Variants in DCC observed in about 807,000 individuals in gnomAD.
DCC encodes the protein DCC netrin 1 receptor, also known as netrin receptor DCC.
In DCC, 58 loss-of-function variants were observed where a neutral mutation model predicts 172.5. That is an observed-to-expected ratio of 0.34 (90% confidence interval 0.27 to 0.42). DCC has a LOEUF of 0.42. Among genes scored for constraint, DCC ranks in the 10% least tolerant of loss-of-function variants. The pLI is 1.00. For missense variants in DCC, 1,740 were observed against 1,791.0 expected (o/e 0.97, Z 0.51); for synonymous variants, 709 against 644.5 (o/e 1.10, Z -1.52).
chr18:52,436,483 A>G (rs1987798415), intron 1 of DCC, among the ~76,000 whole-genome samples: 1 of 152,226 alleles, frequency 6.6e-6, no homozygotes, highest in African/African-American at 2.4e-5. Context: ...AGCTTGTTAC[A>G]TATGCGATCC....
chr18:52,822,375 C>G (rs2038422570), intron 2 of DCC, among the ~76,000 whole-genome samples: 1 of 152,198 alleles, frequency 6.6e-6, no homozygotes, highest in African/African-American at 2.4e-5. Flanking sequence ...CTCCAACCAG[C>G]TATTGACCTA....
chr18:52,814,912 G>T lies in DCC; in HGVS notation c.412+62538G>T, dbSNP rs186560134. 1.1e-4 allele frequency among the ~76,000 whole-genome samples: 16 copies of T among 152,128 alleles called. No homozygotes were observed. In the South Asian group the frequency reaches 2.9e-3, roughly 28 times the overall value. On this transcript the variant is annotated intron_variant, in intron 2 of 28. Coordinates refer to ENST00000442544, the MANE Select transcript of DCC (RefSeq NM_005215.4). ...AGGACCCTGGAATGAGGTGGTGATG[G>T]CTAAAAAAAATGAGGCTATATTTCT...
chr18:52,551,120 A>G (rs1218039974), intron 1 of DCC, among the ~76,000 whole-genome samples: 1 of 151,872 alleles, frequency 6.6e-6, no homozygotes, highest in Admixed American at 6.6e-5. Flanking sequence ...TTTTAAAATT[A>G]TCCAACAAGC....
intron 7 of DCC, among the ~76,000 whole-genome samples, chr18:53,097,247 T>A (rs923681952): frequency 3.3e-5 from 5 of 152,176 alleles, no homozygotes; most frequent in African/African-American, 1.2e-4. Context: ...CATTGAAAGG[T>A]GTAAATTGAG....
chr18:53,396,404 A>G (rs1908948125), intron 17 of DCC, among the ~76,000 whole-genome samples: 1 of 152,172 alleles, frequency 6.6e-6, no homozygotes, highest in African/African-American at 2.4e-5. Context: ...GCAATAAAGA[A>G]CTATAATTTA....
chr18:52,799,911 G>A (rs994000094), intron 2 of DCC, among the ~76,000 whole-genome samples: 1 of 152,122 alleles, frequency 6.6e-6, no homozygotes, highest in Non-Finnish European at 1.5e-5. Flanking sequence ...AGCTCTAATT[G>A]TTCTTCAGTT....
At chr18:52,955,427 C>T (rs1259512352) in intron 5 of DCC, among the ~76,000 whole-genome samples, 1 of 151,740 alleles carries the variant, frequency 6.6e-6, no homozygotes, top group East Asian at 1.9e-4. Context: ...CAAGATTTAC[C>T]AGTTGATTTA....
At position 53,315,758 on chromosome 18, in the gene DCC, T is replaced by G. The variant is rs1162589958; in HGVS notation, c.2054-6289T>G. Among the ~76,000 whole-genome samples, 6 of 152,302 alleles carry G rather than the reference T, an allele frequency of 3.9e-5. No homozygotes were observed. The East Asian group carries it at 1.2e-3, about 29-fold the overall frequency. ...TATATTTTTTGGCCCCAGGAATGTC[T>G]TCTTTTGTAGTAGTATTGTCTGTTC... On this transcript the variant is annotated intron_variant, in intron 13 of 28. Coordinates refer to ENST00000442544, the MANE Select transcript of DCC (RefSeq NM_005215.4).
Position 52,494,264 on chromosome 18 carries a change from A to ATGTGTGTGTGTGTGTG in DCC, c.91+153400_91+153415dup, listed in dbSNP as rs10633986. On this transcript the variant is annotated intron_variant, in intron 1 of 28. Transcript: ENST00000442544. ...TGATTATGATATGGTATGGTTTGTG[A>ATGTGTGTGTGTGTGTG]TGTGTGTGTGTGTGTGTGTGTGTGT... Among the ~76,000 whole-genome samples, 564 of 147,520 alleles carry ATGTGTGTGTGTGTGTG rather than the reference A, an allele frequency of 3.8e-3. 3 individuals are homozygous for ATGTGTGTGTGTGTGTG. Among genetic ancestry groups the ATGTGTGTGTGTGTGTG allele is most frequent in the Middle Eastern group, 0.01 (3 of 290 alleles).
At chr18:53,232,187 C>T (rs192384922) in intron 12 of DCC, among the ~76,000 whole-genome samples, 168 of 152,232 alleles carry the variant, frequency 1.1e-3, no homozygotes, top group African/African-American at 3.4e-3. Context: ...AAGGGCCCCC[C>T]TCCCCCTTCT....
At chr18:52,772,757 A>C (rs1279421384) in intron 2 of DCC, among the ~76,000 whole-genome samples, 2 of 152,122 alleles carry the variant, frequency 1.3e-5, no homozygotes, top group Non-Finnish European at 2.9e-5. Context: ...CTTTCATGGT[A>C]AGGACTCAAT....
chr18:53,448,995 T>C (rs1016311243), intron 22 of DCC, among the ~76,000 whole-genome samples: 1 of 152,230 alleles, frequency 6.6e-6, no homozygotes, highest in African/African-American at 2.4e-5. Flanking sequence ...GGTGCTGAGA[T>C]GGTTGTTTTA....
chr18:53,456,558 A>G (rs1382976467), intron 23 of DCC, among the ~76,000 whole-genome samples: 2 of 152,244 alleles, frequency 1.3e-5, no homozygotes, highest in Non-Finnish European at 2.9e-5. Context: ...TCACTATGAT[A>G]GTGCTTCTTA....
At chr18:52,473,193 G>T (rs941913849) in intron 1 of DCC, among the ~76,000 whole-genome samples, 1 of 152,158 alleles carries the variant, frequency 6.6e-6, no homozygotes, top group Non-Finnish European at 1.5e-5. Context: ...AAACAGGCAG[G>T]CTCTGGTCTC....
intron 1 of DCC, among the ~76,000 whole-genome samples, chr18:52,356,692 T>C (rs1984378242): frequency 6.6e-6 from 1 of 152,224 alleles, no homozygotes; most frequent in Non-Finnish European, 1.5e-5. Context: ...GGCTAAGTTA[T>C]CTCACATGTG....
intron 5 of DCC, among the ~76,000 whole-genome samples, chr18:52,984,128 C>T (rs2041254488): frequency 6.6e-6 from 1 of 151,896 alleles, no homozygotes; most frequent in Admixed American, 6.6e-5. Flanking sequence ...AATAACATGT[C>T]CCAATGAGCT....
intron 8 of DCC, among the ~76,000 whole-genome samples, chr18:53,163,644 C>T (rs1197239997): frequency 6.6e-6 from 1 of 152,156 alleles, no homozygotes; most frequent in Non-Finnish European, 1.5e-5. Flanking sequence ...ATCTTTTTAT[C>T]CAACCCCTTG....
At chr18:52,875,867 C>T (rs1272266698) in intron 2 of DCC, among the ~76,000 whole-genome samples, 3 of 152,200 alleles carry the variant, frequency 2.0e-5, no homozygotes, top group African/African-American at 4.8e-5. Flanking sequence ...GTTCCTGGAC[C>T]TTCTGGGATC....
chr18:52,631,593 C>T (rs915280434), intron 1 of DCC, among the ~76,000 whole-genome samples: 7 of 152,200 alleles, frequency 4.6e-5, no homozygotes, highest in African/African-American at 1.4e-4. Flanking sequence ...TCCTCGGAAT[C>T]GGAAGGCTTC....
Sources: allele counts gnomAD v4.1 joint callset (sites outside exome capture counted in the v4.1 genomes callset), GRCh38; gene constraint gnomAD v4.1.1; transcripts MANE v1.5; gene names NCBI Gene and HGNC (gene_info 2026-07-23, HGNC 2026-07-21).